Variants in SUGCT observed in about 807,000 individuals in gnomAD.
SUGCT encodes the protein succinyl-CoA:glutarate-CoA transferase.
A neutral mutation model predicts 55.0 loss-of-function variants in SUGCT; 41 were observed. That is an observed-to-expected ratio of 0.74 (90% CI 0.58 to 0.97). SUGCT has a LOEUF of 0.97. SUGCT is among the 50% of genes least tolerant of loss of function. SUGCT has a pLI of 0.00. For missense variants in SUGCT, 568 were observed against 547.8 expected (o/e 1.04, Z -0.37); for synonymous variants, 187 against 200.4 (o/e 0.93, Z 0.56).
intron 1 of SUGCT, among the ~76,000 whole-genome samples, chr7:40,135,571 GC>G (rs1787638128): frequency 6.6e-6 from 1 of 152,252 alleles, no homozygotes; most frequent in Non-Finnish European, 1.5e-5. Context: ...ATGAAATTTA[GC>G]TTTACTACAG....
the SUGCT span, among the ~76,000 whole-genome samples, chr7:40,957,353 G>A: frequency 1.3e-5 from 2 of 151,384 alleles, no homozygotes; most frequent in Admixed American, 1.3e-4. Context: ...TTGTTGCATT[G>A]ATCCCTTTAC....
the SUGCT span, among the ~76,000 whole-genome samples, chr7:40,897,591 A>G: frequency 6.6e-6 from 1 of 152,124 alleles, no homozygotes; most frequent in Non-Finnish European, 1.5e-5. Context: ...GAGTTGTGTT[A>G]CACTCAGAAG....
intron 13 of SUGCT, among the ~76,000 whole-genome samples, chr7:40,851,799 T>G (rs542996480): frequency 3.9e-5 from 6 of 152,374 alleles, no homozygotes; most frequent in African/African-American, 1.4e-4. Flanking sequence ...TCCAAAATTA[T>G]GAGCTTTAGA....
chr7:40,617,485 G>T (rs1279075924), intron 12 of SUGCT, among the ~76,000 whole-genome samples: 1 of 150,834 alleles, frequency 6.6e-6, no homozygotes, highest in African/African-American at 2.4e-5. Flanking sequence ...ATGTGTGTGT[G>T]TGTGTGTGTG....
chr7:40,236,302 C>G (rs1291538577), intron 6 of SUGCT, among the ~76,000 whole-genome samples: 1 of 151,854 alleles, frequency 6.6e-6, no homozygotes, highest in Non-Finnish European at 1.5e-5. Flanking sequence ...AGGTGATCCT[C>G]CCGCCTCCCA....
the SUGCT span, among the ~76,000 whole-genome samples, chr7:41,022,753 A>G: frequency 6.6e-6 from 1 of 152,230 alleles, no homozygotes; most frequent in African/African-American, 2.4e-5. Flanking sequence ...TAATTTTAAG[A>G]TAAGCATGTA....
intron 12 of SUGCT, among the ~76,000 whole-genome samples, chr7:40,535,741 T>A (rs1341664158): frequency 2.6e-5 from 4 of 152,210 alleles, no homozygotes; most frequent in African/African-American, 9.6e-5. Context: ...GGCCATGTCC[T>A]GGTCAGGCTG....
At chr7:40,642,331 T>C (rs1800304139) in intron 12 of SUGCT, among the ~76,000 whole-genome samples, 1 of 152,178 alleles carries the variant, frequency 6.6e-6, no homozygotes, top group East Asian at 1.9e-4. Flanking sequence ...CCTCTGAAAG[T>C]AGTGAAAGTT....
At chr7:41,024,163 A>G in the SUGCT span, among the ~76,000 whole-genome samples, 1 of 152,248 alleles carries the variant, frequency 6.6e-6, no homozygotes, top group Non-Finnish European at 1.5e-5. Context: ...ACATAAAGTT[A>G]GAATCCTACC....
intron 12 of SUGCT, among the ~76,000 whole-genome samples, chr7:40,583,361 T>C (rs1797202600): frequency 6.6e-6 from 1 of 152,170 alleles, no homozygotes; most frequent in African/African-American, 2.4e-5. Flanking sequence ...AACTCTTCTT[T>C]CCTGTATGGA....
At chr7:40,854,472 C>CTTTCTTTCTTTCT (rs1563050908) in intron 13 of SUGCT, among the ~76,000 whole-genome samples, 1 of 133,170 alleles carries the variant, frequency 7.5e-6, no homozygotes, top group Non-Finnish European at 1.6e-5. Context: ...TTCTTTCTTT[C>CTTTCTTTCTTTCT]TTTCTCTTTC....
intron 9 of SUGCT, among the ~76,000 whole-genome samples, chr7:40,343,465 G>A (rs375768927): frequency 6.6e-6 from 1 of 151,926 alleles, no homozygotes; most frequent in Non-Finnish European, 1.5e-5. Context: ...TTTCAGTTAT[G>A]GACCGTTTTA....
At chr7:40,305,687 G>T (rs780845878) in intron 8 of SUGCT, among the ~76,000 whole-genome samples, 13 of 151,662 alleles carry the variant, frequency 8.6e-5, no homozygotes, top group African/African-American at 3.2e-4. Flanking sequence ...TTTGTGACAG[G>T]GTCTTGCTCT....
intron 6 of SUGCT, among the ~76,000 whole-genome samples, chr7:40,226,436 G>A (rs1788357070): frequency 6.6e-6 from 1 of 152,066 alleles, no homozygotes; most frequent in Non-Finnish European, 1.5e-5. Context: ...TGCTGACCAC[G>A]TCTCATTTAG....
At chr7:40,722,693 GAAATACATTTTAATAT>G (rs1786407861) in intron 12 of SUGCT, among the ~76,000 whole-genome samples, 1 of 151,956 alleles carries the variant, frequency 6.6e-6, no homozygotes, top group Admixed American at 6.6e-5. Context: ...CATATTTTGG[GAAATACATTTTAATAT>G]AATGTTCAAT....
intron 12 of SUGCT, among the ~76,000 whole-genome samples, chr7:40,524,603 A>G (rs1429069828): frequency 6.6e-6 from 1 of 151,950 alleles, no homozygotes; most frequent in African/African-American, 2.4e-5. Flanking sequence ...GGAATGCTGT[A>G]TTTCTTCAGC....
intron 12 of SUGCT, among the ~76,000 whole-genome samples, chr7:40,646,817 C>A (rs931923082): frequency 6.6e-6 from 1 of 152,042 alleles, no homozygotes; most frequent in Non-Finnish European, 1.5e-5. Flanking sequence ...TTGTTTAGTG[C>A]TTTAATTCAC....
intron 1 of SUGCT, among the ~76,000 whole-genome samples, chr7:40,164,231 G>A (rs962103878): frequency 3.3e-5 from 5 of 151,596 alleles, no homozygotes; most frequent in African/African-American, 7.3e-5. Context: ...GGGTTCAAGC[G>A]ATTCTCCTGC....
At chr7:40,242,725 C>T (rs1033369193) in intron 7 of SUGCT, among the ~76,000 whole-genome samples, 6 of 151,278 alleles carry the variant, frequency 4.0e-5, no homozygotes, top group African/African-American at 1.2e-4. Context: ...GTTTGGGGTT[C>T]TGGCTCTAAT....
Sources: gnomAD v4.1 joint callset for allele counts (sites outside exome capture counted in the v4.1 genomes callset) on GRCh38, gnomAD v4.1.1 for gene constraint, MANE v1.5 for transcripts, NCBI Gene and HGNC (gene_info 2026-07-23, HGNC 2026-07-21) for gene names.